The following BORA variants were observed in gnomAD, a reference collection of about 807,000 sequenced individuals.
The protein encoded by BORA is BORA aurora kinase A activator.
A neutral mutation model predicts 55.8 loss-of-function variants in BORA; 26 were observed. The observed-to-expected ratio is 0.47, with a 90% CI of 0.34 to 0.65. The LOEUF is 0.65. Among genes scored for constraint, BORA ranks in the 30% least tolerant of loss-of-function variants. The pLI, the probability that BORA is intolerant of heterozygous loss-of-function variation, is 0.01. For synonymous variants in BORA, 201 were observed against 216.9 expected, an observed-to-expected ratio of 0.93 and a Z score of 0.64; for missense variants, 568 against 671.5, an observed-to-expected ratio of 0.85 and a Z score of 1.70.
At chr13:72,753,596 G>A (rs2033341511) in intron 10 of BORA, 94 bp from the exon 11 acceptor site, 2 of 1,237,624 alleles carry the variant, frequency 1.6e-6, no homozygotes, top group Non-Finnish European at 1.1e-6. Flanking sequence ...GGATCATTCA[G>A]ATGTAGTGAA....
intron 10 of BORA, among the ~76,000 whole-genome samples, chr13:72,751,986 T>A (rs886746060): frequency 6.6e-6 from 1 of 152,138 alleles, no homozygotes; most frequent in Non-Finnish European, 1.5e-5. Flanking sequence ...GGCCCAGATG[T>A]CAAGGAATGT....
intron 1 of BORA, 77 bp from the exon 2 acceptor site, chr13:72,728,849 G>T (rs1230556203): frequency 3.2e-5 from 42 of 1,294,646 alleles, no homozygotes; most frequent in Non-Finnish European, 4.3e-5. Flanking sequence ...CACATTTGTC[G>T]AGTACATTTT....
At chr13:72,731,920 T>A (rs542427958) in intron 3 of BORA, among the ~76,000 whole-genome samples, 1 of 152,332 alleles carries the variant, frequency 6.6e-6, no homozygotes, top group South Asian at 2.1e-4. Context: ...TTTCTAGAAT[T>A]CTACATATCA....
intron 10 of BORA, 51 bp from the exon 11 acceptor site, chr13:72,753,639 T>C (rs1593824069): frequency 6.4e-7 from 1 of 1,550,470 alleles, no homozygotes; most frequent in African/African-American, 1.4e-5. Context: ...TATTTAAATA[T>C]TTGACTTTTA....
In BORA at chr13:72,744,993, G is replaced by A; in HGVS notation, c.524G>A (p.Arg175Lys). Residue 175 changes from arginine (R) to lysine (K), a missense_variant, in exon 8 of 12, where the codon AGA (arginine) becomes AAA (lysine). Transcript: ENST00000390667. The stretch of plus-strand genomic sequence containing the variant: ...TTATTAAATATAGGTGACTATTTTA[G>A]AGCTGATGAATTTGCAGATCAATCT... ...NLENILGDYFRADEFADQSPG... is the reference protein window; with the variant it reads ...NLENILGDYFKADEFADQSPG... The A allele has an allele frequency of 6.2e-7, 1 of 1,613,710 alleles. No individual in the cohort carries two copies. The highest frequency in any genetic ancestry group is 2.2e-5 in the East Asian group (1 of 44,866).
chr13:72,751,142 A>G (rs74504573), intron 10 of BORA, among the ~76,000 whole-genome samples: 1,566 of 152,336 alleles, frequency 0.01, 37 homozygotes, highest in African/African-American at 0.036. Context: ...ATAAGTAAAC[A>G]GTGCCTGAAC....
At chr13:72,739,668 G>A (rs1054755013) in intron 5 of BORA, among the ~76,000 whole-genome samples, 1 of 152,094 alleles carries the variant, frequency 6.6e-6, no homozygotes, top group African/African-American at 2.4e-5. Flanking sequence ...GGGTTCCTTA[G>A]CTATGGTGAA....
At position 72,755,672 on chromosome 13, in the gene BORA, CTT is replaced by C. The variant is rs1239898511; in HGVS notation, c.*459_*460del. 4 of 390,306 alleles carry C rather than the reference CTT, an allele frequency of 1.0e-5. No homozygotes were observed. The highest frequency in any genetic ancestry group is 1.8e-5 in the Non-Finnish European group (4 of 221,450). The allele number at this position is 390,306 out of a possible 1,614,324, so 24.2% of individuals were successfully genotyped here. ...GAAGAAATCTTAGATATAAAACTAA[CTT>C]TTCAAAGATACAAAAGAAATTAAAC... On this transcript the variant is annotated 3_prime_UTR_variant, in exon 12 of 12. Coordinates refer to ENST00000390667, the MANE Select transcript of BORA (RefSeq NM_024808.5).
Position 72,727,970 on chromosome 13 carries a change from C to T in BORA, c.-53C>T. On this transcript the variant is annotated 5_prime_UTR_variant, in exon 1 of 12. Transcript: ENST00000390667. The stretch of plus-strand genomic sequence containing the variant: ...AAGCTGGCCTGGCCCCCGGAGCTCC[C>T]TGGAGTCGGTACTGGGGGCTTCGTT... 6.4e-7 allele frequency: 1 copy of T among 1,550,624 alleles called. No homozygotes were observed. Among genetic ancestry groups the T allele is most frequent in the South Asian group, 1.2e-5 (1 of 84,066 alleles).
rs540620528 is a variant in BORA at position 72,755,835 on chromosome 13, A to T, written c.*619A>T. On this transcript the variant is annotated 3_prime_UTR_variant, in exon 12 of 12. Coordinates refer to ENST00000390667, the MANE Select transcript of BORA (RefSeq NM_024808.5). Reference sequence around the variant, plus strand: ...TAGTACTAGTGACATCATCACGTGTATTGTTATCTATGGGGCAAATGTGTG... The same window carrying T: ...TAGTACTAGTGACATCATCACGTGTTTTGTTATCTATGGGGCAAATGTGTG... 1.5e-5 allele frequency: 6 copies of T among 398,480 alleles called. No individual in the cohort carries two copies. In the South Asian group the frequency reaches 3.8e-4, roughly 25 times the overall value. The allele number at this position is 398,480 out of a possible 1,614,324, so 24.7% of individuals were successfully genotyped here. A position where few individuals can be genotyped will look rare whatever the true frequency, so the allele number is the denominator to read the frequency against.
chr13:72,740,135 T>C (rs1376736878), intron 5 of BORA, among the ~76,000 whole-genome samples: 2 of 152,132 alleles, frequency 1.3e-5, no homozygotes, highest in African/African-American at 4.8e-5. Context: ...CTGGAAACTG[T>C]GTCGGGTGAA....
chr13:72,744,929 A>G, intron 7 of BORA, 52 bp from the exon 8 acceptor site: 4 of 1,525,640 alleles, frequency 2.6e-6, no homozygotes, highest in Non-Finnish European at 3.6e-6. Flanking sequence ...ACAGAAGTAT[A>G]ATTGCCCTTT....
chr13:72,732,068 G>C lies in BORA; in HGVS notation c.260+681G>C, dbSNP rs543463677. ...GGGACTCTTGTTTATATGTTTTATA[G>C]TCTGATTTTTTAATATTTGAAAAAA... On this transcript the variant is annotated intron_variant, in intron 3 of 11. Coordinates refer to ENST00000390667, the MANE Select transcript of BORA (RefSeq NM_024808.5). Among the ~76,000 whole-genome samples, 6 of 152,170 alleles carry C rather than the reference G, an allele frequency of 3.9e-5. No homozygotes were observed. In the East Asian group the frequency reaches 7.7e-4, roughly 20 times the overall value.
At position 72,755,729 on chromosome 13, in the gene BORA, G is replaced by A. The variant is rs1269885529; in HGVS notation, c.*513G>A. ...TTCCTGAAATTTTAGTTCTTGGTCT[G>A]TTCACCTCTGTGGGGAAAATTCTTA... On this transcript the variant is annotated 3_prime_UTR_variant, in exon 12 of 12. Coordinates refer to ENST00000390667, the MANE Select transcript of BORA (RefSeq NM_024808.5). The A allele has an allele frequency of 2.5e-6, 1 of 397,314 alleles. No individual in the cohort carries two copies. Among genetic ancestry groups the A allele is most frequent in the African/African-American group, 2.1e-5 (1 of 48,730 alleles). The allele number at this position is 397,314 out of a possible 1,614,324, so 24.6% of individuals were successfully genotyped here. A position where few individuals can be genotyped will look rare whatever the true frequency, so the allele number is the denominator to read the frequency against.
At chr13:72,753,514 C>G in intron 10 of BORA, 176 bp from the exon 11 acceptor site, 1 of 588,136 alleles carries the variant, frequency 1.7e-6, no homozygotes, top group Non-Finnish European at 2.9e-6. Context: ...ATAATCAGTA[C>G]TATGCAGGAC....
At chr13:72,747,618 C>T (rs553094489) in intron 10 of BORA, among the ~76,000 whole-genome samples, 116 of 152,128 alleles carry the variant, frequency 7.6e-4, no homozygotes, top group Non-Finnish European at 1.5e-3. Context: ...AGTGCAACCT[C>T]CACCTTCTGG....
chr13:72,728,803 C>A, intron 1 of BORA, 123 bp from the exon 2 acceptor site: 2 of 789,126 alleles, frequency 2.5e-6, no homozygotes, highest in East Asian at 3.0e-5. Context: ...TGTATCATAG[C>A]CCCAAGAGTG....
chr13:72,730,906 AAAAAT>A (rs2032799189), intron 2 of BORA, among the ~76,000 whole-genome samples: 2 of 143,474 alleles, frequency 1.4e-5, no homozygotes, highest in Admixed American at 7.0e-5. Context: ...AAAAAAAAAA[AAAAAT>A]ACAAAAATTA....
chr13:72,742,765 TATACACACACACACACACACACAC>T (rs1344361217), intron 5 of BORA, among the ~76,000 whole-genome samples: 1,057 of 54,030 alleles, frequency 0.02, 16 homozygotes, highest in African/African-American at 0.04. Flanking sequence ...TATATATATA[TATACACACACACACACACACACAC>T]ACACACACAC....
Sources: allele counts gnomAD v4.1 joint callset (sites outside exome capture counted in the v4.1 genomes callset), GRCh38; gene constraint gnomAD v4.1.1; transcripts MANE v1.5; gene names NCBI Gene and HGNC (gene_info 2026-07-23, HGNC 2026-07-21).